BCO2: variants seen among roughly 807,000 people sequenced by gnomAD.
BCO2 encodes the protein beta-carotene oxygenase 2.
A neutral mutation model predicts 65.8 loss-of-function variants in BCO2; 56 were observed. The ratio of observed to expected loss-of-function variants is 0.85; its 90% CI spans 0.69 to 1.06. The LOEUF (loss-of-function observed/expected upper bound fraction) is 1.06. Ranked by LOEUF, BCO2 falls within the 50% of genes least tolerant of loss-of-function variation. The probability of loss-of-function intolerance (pLI) is 0.00; values close to 1 mark genes in which losing one functional copy is unlikely to be tolerated. For synonymous variants in BCO2, 233 were observed against 242.3 expected (o/e 0.96, Z 0.36); for missense variants, 675 against 698.5 (o/e 0.97, Z 0.38).
intron 1 of BCO2, 43 bp from the exon 2 acceptor site, chr11:112,179,235 A>G: frequency 6.3e-7 from 1 of 1,576,722 alleles, no homozygotes; most frequent in Non-Finnish European, 8.7e-7. Context: ...TTTATAGAAG[A>G]TTTGGTAAAA....
At chr11:112,189,056 A>T (rs1346142645) in intron 2 of BCO2, among the ~76,000 whole-genome samples, 1 of 152,264 alleles carries the variant, frequency 6.6e-6, no homozygotes, top group African/African-American at 2.4e-5. Flanking sequence ...AGGCACAAAC[A>T]TACAAAGTAT....
At position 112,179,301 on chromosome 11, in the gene BCO2, A is replaced by G; in HGVS notation, c.112A>G (p.Thr38Ala). Residue 38 changes from threonine (T) to alanine (A), a missense_variant, in exon 2 of 12, where the codon ACT (threonine) becomes GCT (alanine). Coordinates refer to ENST00000357685, the MANE Select transcript of BCO2 (RefSeq NM_031938.7). ...AGTTTTCAAAAGGTACATGGGAAAT[A>G]CTCCTCAGAAAAAAGCCGTCTTTGG... is the stretch of plus-strand genomic sequence containing the variant. ...LPVFKRYMGN[T>A]PQKKAVFGQC... The G allele has an allele frequency of 6.2e-7, 1 of 1,613,812 alleles. No homozygotes were observed.
chr11:112,198,655 A>C (rs1867646313), intron 5 of BCO2, among the ~76,000 whole-genome samples: 1 of 152,102 alleles, frequency 6.6e-6, no homozygotes, highest in Non-Finnish European at 1.5e-5. Context: ...TGATTCTTGA[A>C]GAGCCAGTAA....
intron 5 of BCO2, among the ~76,000 whole-genome samples, chr11:112,197,282 C>T (rs1056862514): frequency 6.6e-6 from 1 of 152,208 alleles, no homozygotes; most frequent in African/African-American, 2.4e-5. Flanking sequence ...GGTGCAGTGG[C>T]TTATGCTTAT....
At chr11:112,177,219 A>C (rs1380572994) in intron 1 of BCO2, among the ~76,000 whole-genome samples, 1 of 152,246 alleles carries the variant, frequency 6.6e-6, no homozygotes, top group Non-Finnish European at 1.5e-5. Context: ...GTAGAGTAAC[A>C]TAAATACCTG....
At chr11:112,200,587 T>G (rs768110918) in intron 6 of BCO2, 26 bp from the exon 7 acceptor site, 16 of 1,582,290 alleles carry the variant, frequency 1.0e-5, no homozygotes, top group Non-Finnish European at 7.7e-6. Flanking sequence ...CAAATAACAT[T>G]TTTATTGTTT....
chr11:112,218,077 C>T lies in BCO2; in HGVS notation c.*203C>T. The stretch of plus-strand genomic sequence containing the variant: ...CCAAACCTCAGCAGCACACAATATA[C>T]TCATGTAACAAGCCTGCACATGTAC... On this transcript the variant is annotated 3_prime_UTR_variant, in exon 12 of 12. Coordinates refer to ENST00000357685, the MANE Select transcript of BCO2 (RefSeq NM_031938.7). 1 of 487,900 alleles carries T rather than the reference C, an allele frequency of 2.0e-6. No homozygotes were observed. The highest frequency in any genetic ancestry group is 3.6e-6 in the Non-Finnish European group (1 of 276,418). 30.2% of individuals were successfully genotyped at this position (487,900 alleles called of 1,614,324 possible). A position where few individuals can be genotyped will look rare whatever the true frequency, so the allele number is the denominator to read the frequency against.
intron 11 of BCO2, 137 bp downstream of exon 11, chr11:112,216,467 C>T (rs1566804841): frequency 3.3e-6 from 2 of 604,638 alleles, no homozygotes; most frequent in South Asian, 2.2e-5. Context: ...TATTTACATA[C>T]CCTTTTATCT....
At chr11:112,176,591 A>G (rs1866894835) in intron 1 of BCO2, 1 of 150,576 alleles carries the variant, frequency 6.6e-6, no homozygotes, top group Non-Finnish European at 1.5e-5. Flanking sequence ...TGAAATTAAG[A>G]GACTAGATGA....
At chr11:112,210,910 C>A (rs1859490712) in intron 8 of BCO2, among the ~76,000 whole-genome samples, 2 of 152,138 alleles carry the variant, frequency 1.3e-5, no homozygotes, top group East Asian at 3.9e-4. Flanking sequence ...TATGGGAAAT[C>A]TCTGTATTAT....
chr11:112,194,069 G>T (rs1488157814), intron 4 of BCO2, 75 bp downstream of exon 4: 1 of 858,942 alleles, frequency 1.2e-6, no homozygotes, highest in Non-Finnish European at 1.9e-6. Flanking sequence ...TTTTAGAGTA[G>T]TATATATCAA....
chr11:112,218,511 C>A lies in BCO2; in HGVS notation c.*637C>A. On this transcript the variant is annotated 3_prime_UTR_variant, in exon 12 of 12. Coordinates refer to ENST00000357685, the MANE Select transcript of BCO2 (RefSeq NM_031938.7). ...CCAACTGCAATGAGCCTATGTATGT[C>A]AAGTTGGTGGAGTCCCATGGTGCTG... is the stretch of plus-strand genomic sequence containing the variant. 1 of 279,416 alleles carries A rather than the reference C, an allele frequency of 3.6e-6. No homozygotes were observed. Among genetic ancestry groups the A allele is most frequent in the South Asian group, 4.0e-5 (1 of 24,912 alleles). 17.3% of individuals were successfully genotyped at this position (279,416 alleles called of 1,614,324 possible). A position where few individuals can be genotyped will look rare whatever the true frequency, so the allele number is the denominator to read the frequency against.
At chr11:112,197,547 C>CCA (rs1566784377) in intron 5 of BCO2, among the ~76,000 whole-genome samples, 2 of 141,808 alleles carry the variant, frequency 1.4e-5, no homozygotes, top group Non-Finnish European at 1.5e-5. Context: ...GACCCTGTCT[C>CCA]AAAAAAAAAA....
chr11:112,194,714 A>T lies in BCO2; in HGVS notation c.695A>T (p.Asp232Val). The T allele has an allele frequency of 6.2e-7, 1 of 1,612,698 alleles. No homozygotes were observed. The change falls in exon 5 of 12, where the codon GAT becomes GTT. Residue 232 changes from aspartate (D) to valine (V), a missense_variant. By Grantham distance (152) the Asp-to-Val change is radical. Transcript: ENST00000357685. Reference sequence around the variant, plus strand: ...ACTGCACATCCTCATTATGACCTGGATGGAACAGCATACAATATGGGGAAC... The same window carrying T: ...ACTGCACATCCTCATTATGACCTGGTTGGAACAGCATACAATATGGGGAAC... ...GATAHPHYDL[D>V]GTAYNMGNSF...
intron 5 of BCO2, among the ~76,000 whole-genome samples, chr11:112,196,543 C>A (rs1867579151): frequency 6.6e-6 from 1 of 152,106 alleles, no homozygotes. Flanking sequence ...AAAATATGTT[C>A]TTCAGACTAA....
chr11:112,215,589 A>G (rs112833588), intron 10 of BCO2: 4,971 of 153,552 alleles, frequency 0.032, 263 homozygotes, highest in African/African-American at 0.11. Flanking sequence ...CATGCCTGTA[A>G]TCCCAGCTAA....
At chr11:112,213,165 C>T (rs1297960467) in intron 8 of BCO2, among the ~76,000 whole-genome samples, 14 of 43,122 alleles carry the variant, frequency 3.2e-4, no homozygotes, top group African/African-American at 4.1e-4. Context: ...TTTTTTGTGA[C>T]GGAGTTTCAC....
chr11:112,185,204 G>A (rs997820892), intron 2 of BCO2, among the ~76,000 whole-genome samples: 1 of 152,054 alleles, frequency 6.6e-6, no homozygotes, highest in East Asian at 1.9e-4. Flanking sequence ...TCACTTAAAG[G>A]TACCTCTGTA....
At chr11:112,206,578 G>A (rs1204504037) in intron 8 of BCO2, among the ~76,000 whole-genome samples, 1 of 152,152 alleles carries the variant, frequency 6.6e-6, no homozygotes, top group Non-Finnish European at 1.5e-5. Context: ...GGGCAAGATG[G>A]CAAGACCTCA....
Sources: allele counts gnomAD v4.1 joint callset (sites outside exome capture counted in the v4.1 genomes callset), GRCh38; gene constraint gnomAD v4.1.1; transcripts MANE v1.5; gene names NCBI Gene and HGNC (gene_info 2026-07-23, HGNC 2026-07-21).